The following BTD variants were observed in gnomAD, a reference collection of about 807,000 sequenced individuals.
The protein encoded by BTD is biocytinase.
In BTD, 13 loss-of-function variants were observed where a neutral mutation model predicts 17.7. The observed-to-expected ratio is 0.74, with a 90% CI of 0.48 to 1.17. The LOEUF (loss-of-function observed/expected upper bound fraction) is 1.17, where lower values mean the gene tolerates loss of function less well. Among genes scored for constraint, BTD ranks in the 50% most tolerant of loss-of-function variants. BTD has a pLI of 0.00. For missense variants in BTD, 674 were observed against 650.4 expected (o/e 1.04, Z -0.39); for synonymous variants, 240 against 245.2 (o/e 0.98, Z 0.20).
chr3:15,672,895 C>A (rs1171554949), intron 3 of BTD, among the ~76,000 whole-genome samples: 1 of 152,244 alleles, frequency 6.6e-6, no homozygotes. Context: ...CTTGCCTCAG[C>A]CTCCCAAGTA....
chr3:15,689,741 T>G, intron 3 of BTD: 1 of 292,226 alleles, frequency 3.4e-6, no homozygotes, highest in Non-Finnish European at 6.3e-6. Context: ...CAACTTTATA[T>G]GAATATTTTT....
chr3:15,628,689 G>A (rs2065126998), intron 1 of BTD, among the ~76,000 whole-genome samples: 1 of 152,172 alleles, frequency 6.6e-6, no homozygotes, highest in Non-Finnish European at 1.5e-5. Flanking sequence ...AGGACTGACT[G>A]ACAGTGGAAA....
chr3:15,651,577 C>T lies in BTD; in HGVS notation c.*6089C>T, dbSNP rs961054841. ...TGTGAGAGAGACAGCCAGACCGTAGCGGTGTGACAGGCAGAGAGCCAGGCG... is the reference window on the plus strand; with the variant it reads ...TGTGAGAGAGACAGCCAGACCGTAGTGGTGTGACAGGCAGAGAGCCAGGCG... On this transcript the variant is annotated 3_prime_UTR_variant, in exon 4 of 4. Transcript: ENST00000643237. Among the ~76,000 whole-genome samples the T allele has an allele frequency of 3.3e-5, 5 of 152,188 alleles. No homozygotes were observed. Among genetic ancestry groups the T allele is most frequent in the Admixed American group, 2.6e-4 (4 of 15,282 alleles).
rs373183298 is a variant in BTD, at chr3:15,645,835, GGT to G, written c.*348_*349del. ...ACACATCCACAAAGCAGTGGCTTGG[GGT>G]TTTTTTTTTTTTTTTTATCTTGTTG... is the stretch of plus-strand genomic sequence containing the variant. On this transcript the variant is annotated 3_prime_UTR_variant, in exon 4 of 4. Coordinates refer to ENST00000643237, the MANE Select transcript of BTD (RefSeq NM_001370658.1). 1.5e-4 allele frequency: 30 copies of G among 197,386 alleles called. No homozygotes were observed. Among genetic ancestry groups the G allele is most frequent in the African/African-American group, 6.1e-4 (25 of 41,304 alleles). The allele number at this position is 197,386 out of a possible 1,614,324, so 12.2% of individuals were successfully genotyped here.
At chr3:15,702,994 G>A (rs555197723) in intron 3 of BTD, among the ~76,000 whole-genome samples, 1 of 152,284 alleles carries the variant, frequency 6.6e-6, no homozygotes, top group African/African-American at 2.4e-5. Flanking sequence ...AGATTAAATA[G>A]GCACAGAGAG....
chr3:15,720,838 G>A (rs2124915154), intron 4 of BTD: 1 of 1,253,084 alleles, frequency 8.0e-7, no homozygotes, highest in East Asian at 2.4e-5. Flanking sequence ...CCTTTTTATT[G>A]CTCAATGGTA....
At chr3:15,606,080 C>G (rs927399860) in intron 1 of BTD, among the ~76,000 whole-genome samples, 5 of 143,758 alleles carry the variant, frequency 3.5e-5, no homozygotes, top group Non-Finnish European at 7.6e-5. Context: ...GTGAAATCAT[C>G]TTTGCACTTT....
chr3:15,673,775 T>G (rs560441592), intron 3 of BTD, among the ~76,000 whole-genome samples: 1 of 152,230 alleles, frequency 6.6e-6, no homozygotes, highest in South Asian at 2.1e-4. Context: ...TCACAATGCA[T>G]GTATAACCCT....
At chr3:15,719,094 T>TG (rs1278054063) in intron 4 of BTD, among the ~76,000 whole-genome samples, 1 of 152,186 alleles carries the variant, frequency 6.6e-6, no homozygotes, top group Non-Finnish European at 1.5e-5. Flanking sequence ...TTTAAAAAGA[T>TG]GGTTTAGCTC....
intron 3 of BTD, chr3:15,683,833 C>T (rs1230041729): frequency 6.6e-6 from 1 of 152,192 alleles, no homozygotes; most frequent in Non-Finnish European, 1.5e-5. Flanking sequence ...GAACAGCTCC[C>T]AGTGAAAGAA....
intron 1 of BTD, among the ~76,000 whole-genome samples, chr3:15,611,488 G>A (rs1261664189): frequency 6.6e-6 from 1 of 152,066 alleles, no homozygotes; most frequent in African/African-American, 2.4e-5. Flanking sequence ...AGTAGCATTA[G>A]GATTATTTTT....
chr3:15,683,166 T>C (rs1319747719), intron 3 of BTD, among the ~76,000 whole-genome samples: 2 of 152,140 alleles, frequency 1.3e-5, no homozygotes, highest in Non-Finnish European at 2.9e-5. Flanking sequence ...CTGTGTGATT[T>C]TTCCAATGGT....
At chr3:15,629,337 A>G (rs1453323499) in intron 1 of BTD, among the ~76,000 whole-genome samples, 1 of 152,158 alleles carries the variant, frequency 6.6e-6, no homozygotes. Context: ...CCTATTCCAT[A>G]CCTACTCAAT....
At chr3:15,621,722 C>T (rs536127014) in intron 1 of BTD, among the ~76,000 whole-genome samples, 1 of 152,236 alleles carries the variant, frequency 6.6e-6, no homozygotes, top group African/African-American at 2.4e-5. Flanking sequence ...GCCTCAGCCT[C>T]CTGAGTAGCT....
At chr3:15,657,735 G>A (rs2065884821), downstream of BTD, among the ~76,000 whole-genome samples, 1 of 151,962 alleles carries the variant, frequency 6.6e-6, no homozygotes, top group Non-Finnish European at 1.5e-5. Context: ...GGTGAGTGAT[G>A]GACTGTTCGA....
chr3:15,655,895 C>T (rs369493384), downstream of BTD, among the ~76,000 whole-genome samples: 6 of 152,158 alleles, frequency 3.9e-5, no homozygotes, highest in South Asian at 6.2e-4. Context: ...CTCTGCGTCC[C>T]GGGTTCAAGC....
downstream of BTD, chr3:15,714,655 C>T: frequency 6.3e-7 from 1 of 1,582,966 alleles, no homozygotes; most frequent in Non-Finnish European, 8.6e-7. Flanking sequence ...CCCATCTTTA[C>T]TCTGGGGGGG....
chr3:15,707,595 A>T (rs1288028937), intron 3 of BTD, among the ~76,000 whole-genome samples: 3 of 152,122 alleles, frequency 2.0e-5, no homozygotes, highest in African/African-American at 7.2e-5. Flanking sequence ...CCCTTTCCCC[A>T]TGATATAGTC....
exon 4 of BTD, chr3:15,712,213 T>G: frequency 6.3e-7 from 1 of 1,579,812 alleles, no homozygotes. Context: ...ACATTCCATG[T>G]ATGCCACGCC....
Sources: gnomAD v4.1 joint callset for allele counts (sites outside exome capture counted in the v4.1 genomes callset) on GRCh38, gnomAD v4.1.1 for gene constraint, MANE v1.5 for transcripts, NCBI Gene and HGNC (gene_info 2026-07-23, HGNC 2026-07-21) for gene names.